Variants in ABI1 observed in about 807,000 individuals in gnomAD.
ABI1 encodes the protein abl interactor 1, also known as Abelson interactor 1.
A neutral mutation model predicts 54.6 loss-of-function variants in ABI1; 14 were observed. The observed-to-expected ratio is 0.26, with a 90% CI of 0.17 to 0.40. The LOEUF (loss-of-function observed/expected upper bound fraction) is 0.40, where lower values mean the gene tolerates loss of function less well. ABI1 is among the 10% of genes least tolerant of loss of function. ABI1 has a pLI of 1.00. For missense variants in ABI1, 443 were observed against 598.3 expected (o/e 0.74, Z 2.71); for synonymous variants, 194 against 209.3 (o/e 0.93, Z 0.63).
chr10:26,758,723 C>T (rs1332417232), intron 8 of ABI1, among the ~76,000 whole-genome samples: 1 of 152,222 alleles, frequency 6.6e-6, no homozygotes, highest in African/African-American at 2.4e-5. Context: ...CTGTCTCAAA[C>T]ATGCCAATAA....
chr10:26,829,044 G>C (rs1301858639), intron 1 of ABI1, among the ~76,000 whole-genome samples: 1 of 151,732 alleles, frequency 6.6e-6, no homozygotes, highest in Non-Finnish European at 1.5e-5. Context: ...GGCTAACACG[G>C]TGAAACCCCA....
At chr10:26,858,968 C>T (rs543977865) in intron 1 of ABI1, among the ~76,000 whole-genome samples, 2 of 152,240 alleles carry the variant, frequency 1.3e-5, no homozygotes, top group African/African-American at 4.8e-5. Flanking sequence ...ACTTACTGTG[C>T]TCTCCTTTTG....
At chr10:26,809,770 C>A (rs1472943569) in intron 2 of ABI1, among the ~76,000 whole-genome samples, 13 of 152,042 alleles carry the variant, frequency 8.6e-5, no homozygotes, top group Non-Finnish European at 8.8e-5. Flanking sequence ...CCTGATAAAA[C>A]TCTAGACACT....
In ABI1 at chr10:26,759,225, T is replaced by TGAGC; in HGVS notation, c.830_833dup (p.Ala279LeufsTer46). ...TTGTGCCATACTGGGAACCAGGAGCTGAGCCCGGGGCTGCTGAAAAGCATT... is the reference window on the plus strand; with the variant it reads ...TTGTGCCATACTGGGAACCAGGAGCTGAGCGAGCCCGGGGCTGCTGAAAAGCATT... On this transcript the variant is annotated frameshift_variant, in exon 8 of 11. Coordinates refer to ENST00000376140, the MANE Select transcript of ABI1 (RefSeq NM_001012750.3). LOFTEE classifies it high-confidence loss of function. The TGAGC allele has an allele frequency of 6.2e-7, 1 of 1,613,970 alleles. No homozygotes were observed. The highest frequency in any genetic ancestry group is 8.5e-7 in the Non-Finnish European group (1 of 1,179,946).
intron 2 of ABI1, among the ~76,000 whole-genome samples, chr10:26,792,931 C>T (rs866638737): frequency 5.9e-5 from 9 of 152,028 alleles, no homozygotes; most frequent in African/African-American, 2.2e-4. Flanking sequence ...CAGAAAAATC[C>T]TTCTTAATCA....
chr10:26,752,037 C>T (rs1388609811), intron 9 of ABI1, among the ~76,000 whole-genome samples: 1 of 152,134 alleles, frequency 6.6e-6, no homozygotes, highest in Non-Finnish European at 1.5e-5. Flanking sequence ...GAGACAATGT[C>T]TCTTTTTATA....
chr10:26,787,166 A>G (rs1391751347), intron 2 of ABI1, among the ~76,000 whole-genome samples: 4 of 152,128 alleles, frequency 2.6e-5, no homozygotes, highest in Non-Finnish European at 5.9e-5. Context: ...GTCCACTTGT[A>G]CCCAGTCTGG....
At chr10:26,780,427 T>G (rs1841963147) in intron 2 of ABI1, among the ~76,000 whole-genome samples, 1 of 152,064 alleles carries the variant, frequency 6.6e-6, no homozygotes, top group African/African-American at 2.4e-5. Flanking sequence ...AGAGACGAGG[T>G]CTCACGATGT....
chr10:26,824,620 AT>A (rs1478205199), intron 1 of ABI1, among the ~76,000 whole-genome samples: 1 of 152,170 alleles, frequency 6.6e-6, no homozygotes, highest in East Asian at 1.9e-4. Context: ...GAAAAAAAAA[AT>A]GTGGGAAAAA....
At chr10:26,822,517 A>G (rs540748805) in intron 2 of ABI1, among the ~76,000 whole-genome samples, 5 of 152,352 alleles carry the variant, frequency 3.3e-5, no homozygotes, top group African/African-American at 1.2e-4. Context: ...GAAACTACTC[A>G]GCAATAAAAG....
At chr10:26,809,408 A>T (rs1351650133) in intron 2 of ABI1, among the ~76,000 whole-genome samples, 1 of 151,520 alleles carries the variant, frequency 6.6e-6, no homozygotes, top group Admixed American at 6.6e-5. Context: ...AAGATGAAAA[A>T]ACCAGCCAAG....
intron 1 of ABI1, among the ~76,000 whole-genome samples, chr10:26,838,306 G>A (rs2049239596): frequency 6.6e-6 from 1 of 152,134 alleles, no homozygotes; most frequent in Non-Finnish European, 1.5e-5. Context: ...ACAGGCATGA[G>A]CCACCGCACC....
chr10:26,838,911 A>C (rs1426575703), intron 1 of ABI1, among the ~76,000 whole-genome samples: 1 of 152,210 alleles, frequency 6.6e-6, no homozygotes, highest in Admixed American at 6.5e-5. Context: ...CTCCATTTAT[A>C]ATTCTAAAAA....
chr10:26,839,271 T>C (rs2049312522), intron 1 of ABI1, among the ~76,000 whole-genome samples: 1 of 151,452 alleles, frequency 6.6e-6, no homozygotes, highest in Admixed American at 6.6e-5. Context: ...CTGAGGAAAG[T>C]GGATTGCTTG....
intron 2 of ABI1, among the ~76,000 whole-genome samples, chr10:26,821,530 G>A (rs568551141): frequency 1.3e-5 from 2 of 152,226 alleles, no homozygotes; most frequent in East Asian, 1.9e-4. Context: ...GGGTGCTGTC[G>A]CTCAAGCATG....
Position 26,755,758 on chromosome 10 carries a change from A to G in ABI1, c.998-17T>C, listed in dbSNP as rs758078808. On this transcript the variant is annotated splice_polypyrimidine_tract_variant and intron_variant, in intron 8 of 10. Coordinates refer to ENST00000376140, the MANE Select transcript of ABI1 (RefSeq NM_001012750.3). ...CAATAGAAACTGGTAGCAACAACAC[A>G]GTATGGGGGAAGTAAAACAGATAAA... 1 of 1,543,964 alleles carries G rather than the reference A, an allele frequency of 6.5e-7. No homozygotes were observed. Among genetic ancestry groups the G allele is most frequent in the South Asian group, 1.1e-5 (1 of 87,302 alleles).
intron 1 of ABI1, among the ~76,000 whole-genome samples, chr10:26,850,865 A>G (rs2050331537): frequency 6.6e-6 from 1 of 152,096 alleles, no homozygotes; most frequent in African/African-American, 2.4e-5. Context: ...TAATCTAGAG[A>G]TTTAGATGGG....
chr10:26,762,011 CT>C (rs889178257), intron 7 of ABI1, among the ~76,000 whole-genome samples: 2 of 151,752 alleles, frequency 1.3e-5, no homozygotes, highest in Non-Finnish European at 2.9e-5. Context: ...TTCTTGAAGC[CT>C]TGTGTTTTGT....
intron 9 of ABI1, among the ~76,000 whole-genome samples, chr10:26,755,159 A>G (rs1232095189): frequency 1.3e-5 from 2 of 152,216 alleles, no homozygotes; most frequent in Non-Finnish European, 2.9e-5. Flanking sequence ...ACCTTTACGT[A>G]GGTTCAATAT....
Sources: gnomAD v4.1 joint callset for allele counts (sites outside exome capture counted in the v4.1 genomes callset) on GRCh38, gnomAD v4.1.1 for gene constraint, MANE v1.5 for transcripts, NCBI Gene and HGNC (gene_info 2026-07-23, HGNC 2026-07-21) for gene names.